The following SNX29 variants were observed in gnomAD, a reference collection of about 807,000 sequenced individuals.
SNX29 encodes the protein sorting nexin 29, also known as sorting nexin-29.
SNX29 carries 78 observed loss-of-function variants against 102.1 expected under a neutral mutation model. That is an observed-to-expected ratio of 0.76 (90% CI 0.64 to 0.92). SNX29 has a LOEUF of 0.92. Among genes scored for constraint, SNX29 ranks in the 40% least tolerant of loss-of-function variants. SNX29 has a pLI of 0.00. For missense variants in SNX29, 1,280 were observed against 1,061.7 expected, an observed-to-expected ratio of 1.21 and a Z score of -2.86; for synonymous variants, 580 against 414.5, an observed-to-expected ratio of 1.40 and a Z score of -4.85.
At chr16:12,512,303 G>T (rs2089654887) in intron 19 of SNX29, among the ~76,000 whole-genome samples, 1 of 145,858 alleles carries the variant, frequency 6.9e-6, no homozygotes, top group African/African-American at 2.5e-5. Context: ...GAGGGCCCTT[G>T]AGTGCTCTGC....
intron 18 of SNX29, among the ~76,000 whole-genome samples, chr16:12,417,170 G>A (rs557075137): frequency 2.6e-4 from 39 of 152,294 alleles, no homozygotes; most frequent in Admixed American, 1.2e-3. Context: ...TAATCCATCC[G>A]TATCTTACTG....
At chr16:12,402,371 GA>G (rs1353914777) in intron 17 of SNX29, among the ~76,000 whole-genome samples, 1 of 152,240 alleles carries the variant, frequency 6.6e-6, no homozygotes, top group Non-Finnish European at 1.5e-5. Flanking sequence ...TCCAAGCCCA[GA>G]AGGCTGGCGA....
chr16:12,436,573 G>C, intron 18 of SNX29, among the ~76,000 whole-genome samples: 1 of 152,232 alleles, frequency 6.6e-6, no homozygotes, highest in Middle Eastern at 3.2e-3. Flanking sequence ...GGGCCTCTCT[G>C]AGCTCCCCTG....
intron 15 of SNX29, among the ~76,000 whole-genome samples, chr16:12,299,509 C>G (rs1052142720): frequency 2.0e-5 from 3 of 152,154 alleles, no homozygotes; most frequent in Admixed American, 1.3e-4. Context: ...TCTTGTACTT[C>G]ATGCCCCAGA....
At chr16:12,555,385 C>T (rs962338713) in intron 20 of SNX29, among the ~76,000 whole-genome samples, 3 of 152,050 alleles carry the variant, frequency 2.0e-5, no homozygotes, top group Admixed American at 6.5e-5. Context: ...CCCTGTCTTT[C>T]CCTGCGTGTC....
In SNX29 at chr16:12,572,042, G is replaced by C. The variant is rs138311312; in HGVS notation, c.*3413G>C. ...GCTATAAAAGGGATCATCCAGTGGA[G>C]TTGTAAACAAGGGAACCATCTTGCA... On this transcript the variant is annotated 3_prime_UTR_variant, in exon 21 of 21. Coordinates refer to ENST00000566228, the MANE Select transcript of SNX29 (RefSeq NM_032167.5). 3.1e-4 allele frequency: 334 copies of C among 1,063,566 alleles called. 1 individual carries two copies. In the African/African-American group the frequency reaches 5.1e-3, roughly 16 times the overall value. 65.9% of individuals were successfully genotyped at this position (1,063,566 alleles called of 1,614,324 possible). A position where few individuals can be genotyped will look rare whatever the true frequency, so the allele number is the denominator to read the frequency against.
chr16:12,034,486 A>G (rs988944278), intron 4 of SNX29, among the ~76,000 whole-genome samples: 7 of 152,220 alleles, frequency 4.6e-5, no homozygotes, highest in African/African-American at 1.7e-4. Context: ...TTAGGGAGGA[A>G]GTCAGAAGCC....
chr16:12,099,780 T>A (rs2052930060), intron 11 of SNX29, among the ~76,000 whole-genome samples: 1 of 152,176 alleles, frequency 6.6e-6, no homozygotes, highest in Non-Finnish European at 1.5e-5. Context: ...TGTGCCTATG[T>A]TCCTGGGGTG....
At chr16:12,539,227 C>T (rs763940079) in intron 20 of SNX29, among the ~76,000 whole-genome samples, 2 of 152,114 alleles carry the variant, frequency 1.3e-5, no homozygotes, top group African/African-American at 2.4e-5. Flanking sequence ...AGATATAGAC[C>T]AGTTCCTTCA....
intron 19 of SNX29, among the ~76,000 whole-genome samples, chr16:12,482,800 A>C (rs1328846058): frequency 1.3e-5 from 2 of 152,212 alleles, no homozygotes; most frequent in African/African-American, 2.4e-5. Flanking sequence ...TGATTGTCTG[A>C]CAGTTTTATA....
chr16:12,135,872 G>A (rs1407398560), intron 13 of SNX29: 1 of 328,658 alleles, frequency 3.0e-6, no homozygotes, highest in East Asian at 6.4e-5. Flanking sequence ...CAATCAACCT[G>A]CCAGGTCCAG....
intron 16 of SNX29, among the ~76,000 whole-genome samples, chr16:12,364,983 C>G (rs903416110): frequency 6.6e-6 from 1 of 152,062 alleles, no homozygotes; most frequent in Admixed American, 6.6e-5. Context: ...TCCTTGCACC[C>G]TCTAGGCAGT....
intron 20 of SNX29, among the ~76,000 whole-genome samples, chr16:12,552,437 G>GCTGGAGTGAAATAC (rs2078039549): frequency 6.6e-6 from 1 of 152,208 alleles, no homozygotes; most frequent in South Asian, 2.1e-4. Flanking sequence ...TGGCTCGAGA[G>GCTGGAGTGAAATAC]CTGGAGTGAA....
At position 12,088,067 on chromosome 16, in the gene SNX29, T is replaced by C. The variant is rs775117881; in HGVS notation, c.1402+9152T>C. ...GCTTGTGTCTCTAGGCTAGGCTGCA[T>C]GACTGGGAAGGATGGGTGCTCTCCA... On this transcript the variant is annotated intron_variant, in intron 11 of 20. Coordinates refer to ENST00000566228, the MANE Select transcript of SNX29 (RefSeq NM_032167.5). The C allele has an allele frequency of 1.8e-5, 8 of 456,532 alleles. 1 individual carries two copies. The highest frequency in any genetic ancestry group is 1.2e-4 in the South Asian group (8 of 64,560). 28.3% of individuals were successfully genotyped at this position (456,532 alleles called of 1,614,324 possible).
intron 9 of SNX29, among the ~76,000 whole-genome samples, chr16:12,068,089 G>GT (rs2051120210): frequency 3.3e-5 from 5 of 152,272 alleles, no homozygotes; most frequent in South Asian, 2.1e-4. Context: ...AGCAGGAGCA[G>GT]TTTTGTCTTA....
At chr16:12,256,925 G>A (rs551387214) in intron 14 of SNX29, among the ~76,000 whole-genome samples, 4 of 152,226 alleles carry the variant, frequency 2.6e-5, no homozygotes, top group South Asian at 4.1e-4. Flanking sequence ...TTTCTCCACC[G>A]TCTTCCCCAC....
chr16:11,988,494 T>A (rs2055720389), intron 1 of SNX29, among the ~76,000 whole-genome samples: 1 of 152,128 alleles, frequency 6.6e-6, no homozygotes, highest in South Asian at 2.1e-4. Flanking sequence ...ACCTATAGGC[T>A]CAAGTGATCC....
chr16:12,239,678 G>T (rs1313242338), intron 14 of SNX29, among the ~76,000 whole-genome samples: 2 of 147,980 alleles, frequency 1.4e-5, no homozygotes, highest in East Asian at 2.0e-4. Context: ...AATTAGTCCG[G>T]TGTGGTGATG....
At position 12,410,410 on chromosome 16, in the gene SNX29, C is replaced by A. The variant is rs188407136; in HGVS notation, c.2037+6881C>A. On this transcript the variant is annotated intron_variant, in intron 18 of 20. Transcript: ENST00000566228. ...TCAGTATCTGAACTCTTCCCATCTC[C>A]CATCCTGCAGAACAAAATCACATAG... is the stretch of plus-strand genomic sequence containing the variant. 1.8e-3 allele frequency among the ~76,000 whole-genome samples: 269 copies of A among 152,218 alleles called. 2 individuals are homozygous for A. The East Asian group carries it at 0.04, about 23-fold the overall frequency.
Sources: gnomAD v4.1 joint callset for allele counts (sites outside exome capture counted in the v4.1 genomes callset) on GRCh38, gnomAD v4.1.1 for gene constraint, MANE v1.5 for transcripts, NCBI Gene and HGNC (gene_info 2026-07-23, HGNC 2026-07-21) for gene names.